The following CHD6 variants were observed in gnomAD, a reference collection of about 807,000 sequenced individuals.
CHD6 encodes the protein chromodomain helicase DNA binding protein 6.
A neutral mutation model predicts 276.9 loss-of-function variants in CHD6; 50 were observed. The observed-to-expected ratio is 0.18, with a 90% CI of 0.14 to 0.23. The LOEUF is 0.23. Ranked by LOEUF, CHD6 falls within the 10% of genes least tolerant of loss-of-function variation. The pLI is 1.00. For missense variants in CHD6, 2,564 were observed against 3,365.8 expected (o/e 0.76, Z 5.89); for synonymous variants, 1,173 against 1,229.3 (o/e 0.95, Z 0.96).
intron 23 of CHD6, among the ~76,000 whole-genome samples, chr20:41,449,912 C>G (rs554041491): frequency 6.6e-6 from 1 of 152,286 alleles, no homozygotes; most frequent in South Asian, 2.1e-4. Flanking sequence ...TGAAGCAGTG[C>G]TTTTTAACTT....
chr20:41,435,608 A>C (rs1379491835), intron 27 of CHD6, among the ~76,000 whole-genome samples: 1 of 150,016 alleles, frequency 6.7e-6, no homozygotes, highest in Non-Finnish European at 1.5e-5. Context: ...TGAGTCAAAA[A>C]AAAAAAAAAA....
intron 12 of CHD6, among the ~76,000 whole-genome samples, chr20:41,489,154 G>A (rs966264754): frequency 6.6e-6 from 1 of 152,116 alleles, no homozygotes; most frequent in Non-Finnish European, 1.5e-5. Flanking sequence ...TCATGTTAGA[G>A]CACTTCTTAA....
intron 3 of CHD6, among the ~76,000 whole-genome samples, chr20:41,527,895 T>C (rs2044582982): frequency 1.3e-5 from 2 of 152,056 alleles, no homozygotes; most frequent in Admixed American, 1.3e-4. Context: ...CTCTTGAGAG[T>C]AGCCCTCTCT....
At chr20:41,441,285 A>T (rs1012473132) in intron 25 of CHD6, among the ~76,000 whole-genome samples, 1 of 152,152 alleles carries the variant, frequency 6.6e-6, no homozygotes, top group Non-Finnish European at 1.5e-5. Flanking sequence ...GACTCAACAA[A>T]CAACTGACCA....
At chr20:41,411,036 T>A (rs1161122127) in intron 36 of CHD6, among the ~76,000 whole-genome samples, 1 of 150,690 alleles carries the variant, frequency 6.6e-6, no homozygotes, top group African/African-American at 2.4e-5. Flanking sequence ...GAGGGAAGAG[T>A]CCTAAGAAAA....
intron 36 of CHD6, 102 bp downstream of exon 36, chr20:41,412,042 C>A: frequency 6.6e-7 from 1 of 1,504,648 alleles, no homozygotes; most frequent in African/African-American, 1.4e-5. Context: ...AGATGTCTCC[C>A]AGCGAACCCC....
intron 17 of CHD6, among the ~76,000 whole-genome samples, chr20:41,469,955 G>C (rs749181411): frequency 2.6e-5 from 4 of 152,206 alleles, no homozygotes; most frequent in Non-Finnish European, 5.9e-5. Flanking sequence ...GCAAGAGGAG[G>C]ACAGGAGGAT....
At chr20:41,544,313 T>C (rs1277462478) in intron 2 of CHD6, among the ~76,000 whole-genome samples, 2 of 152,158 alleles carry the variant, frequency 1.3e-5, no homozygotes, top group Non-Finnish European at 2.9e-5. Context: ...GAGCTAAAAA[T>C]GTCACAGATC....
chr20:41,545,956 T>C (rs765739851), intron 2 of CHD6, among the ~76,000 whole-genome samples: 98 of 152,148 alleles, frequency 6.4e-4, no homozygotes, highest in Non-Finnish European at 1.2e-3. Context: ...CCCCATACTC[T>C]CCAATTCCAG....
intron 35 of CHD6, among the ~76,000 whole-genome samples, chr20:41,412,815 A>T (rs1353332602): frequency 1.3e-5 from 2 of 152,228 alleles, no homozygotes; most frequent in Non-Finnish European, 2.9e-5. Flanking sequence ...TAGGACAAAG[A>T]CAGTACGATG....
intron 5 of CHD6, among the ~76,000 whole-genome samples, chr20:41,509,267 C>T (rs2044054499): frequency 2.0e-5 from 3 of 152,214 alleles, no homozygotes; most frequent in Non-Finnish European, 1.5e-5. Flanking sequence ...GAAAGTGCCA[C>T]TTCATCTGAA....
At chr20:41,545,686 C>T (rs2045026183) in intron 2 of CHD6, among the ~76,000 whole-genome samples, 1 of 152,106 alleles carries the variant, frequency 6.6e-6, no homozygotes, top group African/African-American at 2.4e-5. Context: ...TTTCTGGGAC[C>T]AATTCTTTTG....
intron 7 of CHD6, 101 bp from the exon 8 acceptor site, chr20:41,497,602 TA>T: frequency 2.4e-6 from 2 of 824,680 alleles, no homozygotes; most frequent in Non-Finnish European, 4.3e-6. Context: ...ACAGAAATAG[TA>T]AAATGGTTTA....
chr20:41,425,593 A>G (rs1353991071), intron 28 of CHD6, among the ~76,000 whole-genome samples, 199 bp from the exon 29 acceptor site: 1 of 152,348 alleles, frequency 6.6e-6, no homozygotes, highest in African/African-American at 2.4e-5. Context: ...GTTGTGGTCA[A>G]TTAATTCTGT....
chr20:41,488,401 T>C (rs1600989051), intron 13 of CHD6, 27 bp downstream of exon 13: 1 of 1,583,608 alleles, frequency 6.3e-7, no homozygotes. Context: ...GGAACCTGTG[T>C]TTATGTAAAG....
intron 1 of CHD6, among the ~76,000 whole-genome samples, chr20:41,607,706 A>C (rs2045843710): frequency 6.6e-6 from 1 of 151,068 alleles, no homozygotes; most frequent in Admixed American, 6.6e-5. Flanking sequence ...GGATGGGCCA[A>C]GAGGGAGGGG....
intron 1 of CHD6, among the ~76,000 whole-genome samples, chr20:41,580,211 A>G (rs914275553): frequency 6.6e-6 from 1 of 152,236 alleles, no homozygotes; most frequent in Non-Finnish European, 1.5e-5. Context: ...AGCTATGCAA[A>G]GAGTGTTTAT....
chr20:41,515,021 C>T (rs150449129), intron 3 of CHD6, 69 bp from the exon 4 acceptor site: 28 of 1,518,752 alleles, frequency 1.8e-5, no homozygotes, highest in East Asian at 1.1e-4. Flanking sequence ...ATGTGATCAA[C>T]GTCATGAAAT....
At chr20:41,477,042 G>A (rs1317192906) in intron 16 of CHD6, among the ~76,000 whole-genome samples, 1 of 151,928 alleles carries the variant, frequency 6.6e-6, no homozygotes, top group East Asian at 1.9e-4. Context: ...TTCAAGAAGA[G>A]CCTGGGCAAC....
Sources: allele counts gnomAD v4.1 joint callset (sites outside exome capture counted in the v4.1 genomes callset), GRCh38; gene constraint gnomAD v4.1.1; transcripts MANE v1.5; gene names NCBI Gene and HGNC (gene_info 2026-07-23, HGNC 2026-07-21).